Variants in NOP14 observed in about 807,000 individuals in gnomAD.
The protein encoded by NOP14 is nucleolar protein 14.
A neutral mutation model predicts 101.6 loss-of-function variants in NOP14; 57 were observed. The observed-to-expected ratio is 0.56, with a 90% confidence interval of 0.45 to 0.70. NOP14 has a LOEUF of 0.70. Among genes scored for constraint, NOP14 ranks in the 30% least tolerant of loss-of-function variants. The probability of loss-of-function intolerance (pLI) is 0.00; values close to 1 mark genes in which losing one functional copy is unlikely to be tolerated. For missense variants in NOP14, 1,134 were observed against 1,075.5 expected (o/e 1.05, Z -0.76); for synonymous variants, 428 against 424.0 (o/e 1.01, Z -0.12).
At position 2,953,512 on chromosome 4, in the gene NOP14, T is replaced by C; in HGVS notation, c.746A>G (p.Lys249Arg). ...SENRDKKEKP[K>R]PDAYDMMVRE... ...TTTGTTTCAGTACTTGGCTCCCACCTTGGGTTTTTCCTTTTTGTCTCTGTT... is the reference window on the plus strand; with the variant it reads ...TTTGTTTCAGTACTTGGCTCCCACCCTGGGTTTTTCCTTTTTGTCTCTGTT... The change falls in exon 5 of 18, where the codon AAG becomes AGG. Residue 249 changes from lysine to arginine, a missense_variant and splice_region_variant. Coordinates refer to ENST00000416614, the MANE Select transcript of NOP14 (RefSeq NM_001291978.2). 1 of 1,614,058 alleles carries C rather than the reference T, an allele frequency of 6.2e-7. No individual in the cohort carries two copies. The highest frequency in any genetic ancestry group is 8.5e-7 in the Non-Finnish European group (1 of 1,179,986).
chr4:2,941,459 A>AT lies in NOP14; in HGVS notation c.2199+122dup, dbSNP rs1714178796. 29 of 870,824 alleles carry AT rather than the reference A, an allele frequency of 3.3e-5. No homozygotes were observed. In the South Asian group the frequency reaches 4.8e-4, roughly 14 times the overall value. 53.9% of individuals were successfully genotyped at this position (870,824 alleles called of 1,614,324 possible). A position where few individuals can be genotyped will look rare whatever the true frequency, so the allele number is the denominator to read the frequency against. On this transcript the variant is annotated intron_variant, in intron 15 of 17. Transcript: ENST00000416614. The stretch of plus-strand genomic sequence containing the variant: ...GATTTTACTTCCCTTCATATTTGTG[A>AT]TTTTGCAAAGATGGTGTTGACTTAC...
Position 2,942,254 on chromosome 4 carries a change from G to T in NOP14, c.1989C>A (p.Ser663Arg). 4 of 1,614,110 alleles carry T rather than the reference G, an allele frequency of 2.5e-6. No homozygotes were observed. Among genetic ancestry groups the T allele is most frequent in the Non-Finnish European group, 3.4e-6 (4 of 1,180,024 alleles). The part of the protein sequence containing the change: ...REDVATWQQS[S>R]LSLRWASRLR... ...GTCTACTCGCCCAGCGGAGGGAGAGGCTGCTCTGCTGCCACGTGGCCACAT... is the reference window on the plus strand; with the variant it reads ...GTCTACTCGCCCAGCGGAGGGAGAGTCTGCTCTGCTGCCACGTGGCCACAT... Residue 663 changes from serine to arginine, a missense_variant, in exon 14 of 18, where the codon AGC (serine) becomes AGA (arginine). Physicochemically the swap from Ser to Arg is moderately radical, Grantham distance 110. Coordinates refer to ENST00000416614, the MANE Select transcript of NOP14 (RefSeq NM_001291978.2).
intron 8 of NOP14, 79 bp downstream of exon 8, chr4:2,949,855 G>A: frequency 6.5e-7 from 1 of 1,535,164 alleles, no homozygotes; most frequent in Non-Finnish European, 8.9e-7. Flanking sequence ...CAACCCCTGG[G>A]AGGGAGACGA....
intron 12 of NOP14, among the ~76,000 whole-genome samples, chr4:2,944,521 C>G (rs1002278625): frequency 6.6e-6 from 1 of 152,198 alleles, no homozygotes; most frequent in African/African-American, 2.4e-5. Flanking sequence ...ATTTTCCTGC[C>G]TCAGTCTCCC....
chr4:2,953,740 A>G, intron 4 of NOP14, 95 bp from the exon 5 acceptor site: 1 of 1,388,108 alleles, frequency 7.2e-7, no homozygotes, highest in South Asian at 1.3e-5. Context: ...CACAGTGATC[A>G]CTCAGTTGGC....
At chr4:2,944,532 G>A (rs556009689) in intron 12 of NOP14, among the ~76,000 whole-genome samples, 5 of 152,202 alleles carry the variant, frequency 3.3e-5, no homozygotes, top group East Asian at 1.9e-4. Context: ...TCAGTCTCCC[G>A]AGTAGCTGGG....
chr4:2,949,386 G>C (rs1218028222), intron 8 of NOP14, among the ~76,000 whole-genome samples: 2 of 151,958 alleles, frequency 1.3e-5, no homozygotes, highest in Non-Finnish European at 2.9e-5. Context: ...TATATTTTTG[G>C]TAGAGACGAG....
chr4:2,942,185 C>T lies in NOP14; in HGVS notation c.2051+7G>A. 2 of 1,612,610 alleles carry T rather than the reference C, an allele frequency of 1.2e-6. No individual in the cohort carries two copies. Among genetic ancestry groups the T allele is most frequent in the Non-Finnish European group, 1.7e-6 (2 of 1,178,934 alleles). On this transcript the variant is annotated splice_region_variant and intron_variant, in intron 14 of 17. Transcript: ENST00000416614. Reference sequence around the variant, plus strand: ...CACAGGCCCCAAAGCGGGGTCCCCTCACATACCGGATGTGATTGGCCTCTG... The same window carrying T: ...CACAGGCCCCAAAGCGGGGTCCCCTTACATACCGGATGTGATTGGCCTCTG...
chr4:2,953,666 A>G (rs752782976), intron 4 of NOP14, 21 bp from the exon 5 acceptor site: 1 of 1,613,880 alleles, frequency 6.2e-7, no homozygotes, highest in Admixed American at 1.7e-5. Context: ...AATAACAGAC[A>G]CACACCACAT....
In NOP14 at chr4:2,938,533, C is replaced by T. The variant is rs1014638312; in HGVS notation, c.*298G>A. On this transcript the variant is annotated 3_prime_UTR_variant, in exon 18 of 18. Coordinates refer to ENST00000416614, the MANE Select transcript of NOP14 (RefSeq NM_001291978.2). ...AAAAAAAATTTTTTTTTAAGCGACA[C>T]AGTCTTGCACTGTGGCCGAGGCTGG... The T allele has an allele frequency of 1.5e-5, 6 of 398,212 alleles. No homozygotes were observed. The highest frequency in any genetic ancestry group is 7.6e-5 in the South Asian group (3 of 39,524). The allele number at this position is 398,212 out of a possible 1,614,324, so 24.7% of individuals were successfully genotyped here.
At chr4:2,958,663 C>T (rs1361760785) in intron 1 of NOP14, among the ~76,000 whole-genome samples, 9 of 152,286 alleles carry the variant, frequency 5.9e-5, no homozygotes, top group Admixed American at 4.6e-4. Context: ...TTGCCTTCCT[C>T]AGGGATTCCT....
Position 2,954,390 on chromosome 4 carries a change from T to C in NOP14, c.612+34A>G. ...ACATTTTGGTGAGCCTGTCTTACCG[T>C]GGAGAAGATGATCAAGAACACTCAC... On this transcript the variant is annotated intron_variant, in intron 4 of 17. Transcript: ENST00000416614. 3 of 1,608,798 alleles carry C rather than the reference T, an allele frequency of 1.9e-6. 1 individual carries two copies. The highest frequency in any genetic ancestry group is 1.1e-5 in the South Asian group (1 of 90,492).
chr4:2,950,424 G>C lies in NOP14; in HGVS notation c.1003-211C>G, dbSNP rs1714948781. On this transcript the variant is annotated intron_variant, in intron 7 of 17. Transcript: ENST00000416614. ...GAGCCGCAGGAGCTACAGGCTGCTA[G>C]AGAACCCTGCGGCAGGATGCTGGGC... 7 of 600,816 alleles carry C rather than the reference G, an allele frequency of 1.2e-5. No homozygotes were observed. The South Asian group carries it at 1.2e-4, about 10-fold the overall frequency. The allele number at this position is 600,816 out of a possible 1,614,324, so 37.2% of individuals were successfully genotyped here.
intron 1 of NOP14, among the ~76,000 whole-genome samples, chr4:2,958,874 T>C (rs962128248): frequency 4.6e-5 from 7 of 152,008 alleles, no homozygotes; most frequent in African/African-American, 1.7e-4. Flanking sequence ...AACCAGGAGC[T>C]GGAAGAGGAG....
At chr4:2,953,372 A>G (rs1715150991) in intron 5 of NOP14, 139 bp downstream of exon 5, 1 of 827,872 alleles carries the variant, frequency 1.2e-6, no homozygotes, top group South Asian at 1.7e-5. Context: ...CACAGCAGGT[A>G]ATTCAGTATC....
rs1458926194 is a variant in NOP14 at position 2,946,513 on chromosome 4, A to T, written c.1534T>A (p.Ser512Thr). ...LYHLCQMFPESASDAIKFVLR... is the reference protein window; with the variant it reads ...LYHLCQMFPETASDAIKFVLR... ...ACAAATTTGATAGCGTCACTTGCAG[A>T]TTCAGGAAACATCTGGCAAAGATGA... Residue 512 changes from serine (S) to threonine (T), a missense_variant, in exon 11 of 18, where the codon TCT (serine) becomes ACT (threonine). By Grantham distance (58) the Ser-to-Thr change is moderately conservative. Coordinates refer to ENST00000416614, the MANE Select transcript of NOP14 (RefSeq NM_001291978.2). The T allele has an allele frequency of 6.2e-6, 10 of 1,614,084 alleles. No homozygotes were observed. The highest frequency in any genetic ancestry group is 1.3e-5 in the African/African-American group (1 of 74,946).
rs139479819 is a variant in NOP14 at position 2,938,133 on chromosome 4, A to G, written c.*698T>C. On this transcript the variant is annotated 3_prime_UTR_variant, in exon 18 of 18. Coordinates refer to ENST00000416614, the MANE Select transcript of NOP14 (RefSeq NM_001291978.2). ...AGAGGTGCATTTCAGGATTCATTCT[A>G]TTTCATCAGGTGACGTTTTAACAGA... is the stretch of plus-strand genomic sequence containing the variant. The G allele has an allele frequency of 2.6e-4, 312 of 1,188,264 alleles. 2 individuals are homozygous for G. In the African/African-American group the frequency reaches 4.4e-3, roughly 17 times the overall value. The allele number at this position is 1,188,264 out of a possible 1,614,324, so 73.6% of individuals were successfully genotyped here. A position where few individuals can be genotyped will look rare whatever the true frequency, so the allele number is the denominator to read the frequency against.
Position 2,938,548 on chromosome 4 carries a change from G to A in NOP14, c.*283C>T, listed in dbSNP as rs1713855012. On this transcript the variant is annotated 3_prime_UTR_variant, in exon 18 of 18. Transcript: ENST00000416614. ...TTAAGCGACACAGTCTTGCACTGTG[G>A]CCGAGGCTGGAGTGCAGTGGCTCAA... 1 of 455,502 alleles carries A rather than the reference G, an allele frequency of 2.2e-6. No individual in the cohort carries two copies. Among genetic ancestry groups the A allele is most frequent in the East Asian group, 4.5e-5 (1 of 22,174 alleles). 28.2% of individuals were successfully genotyped at this position (455,502 alleles called of 1,614,324 possible). A position where few individuals can be genotyped will look rare whatever the true frequency, so the allele number is the denominator to read the frequency against.
chr4:2,948,312 G>A lies in NOP14; in HGVS notation c.1379C>T (p.Pro460Leu), dbSNP rs201713664. Residue 460 changes from proline (P) to leucine (L), a missense_variant, in exon 9 of 18, where the codon CCG becomes CTG. Pro to Leu is a moderately conservative substitution (Grantham distance 98, BLOSUM62 -3). Coordinates refer to ENST00000416614, the MANE Select transcript of NOP14 (RefSeq NM_001291978.2). ...TGCTTTGTTTCCTTCTGCGAGACTC[G>A]GGTGGTTGCACTTCTGAATTCTCTC... Reference protein sequence around the residue: ...VVERIQKCNHPSLAEGNKAKL... With the variant: ...VVERIQKCNHLSLAEGNKAKL... The A allele has an allele frequency of 2.6e-4, 420 of 1,607,620 alleles. No homozygotes were observed. Among genetic ancestry groups the A allele is most frequent in the Non-Finnish European group, 3.2e-4 (382 of 1,178,468 alleles).
Sources: allele counts gnomAD v4.1 joint callset (sites outside exome capture counted in the v4.1 genomes callset), GRCh38; gene constraint gnomAD v4.1.1; transcripts MANE v1.5; gene names NCBI Gene and HGNC (gene_info 2026-07-23, HGNC 2026-07-21).